The following GABBR2 variants were observed in gnomAD, a reference collection of about 807,000 sequenced individuals.
GABBR2 encodes the protein G-protein coupled receptor 51.
In GABBR2, 23 loss-of-function variants were observed where a neutral mutation model predicts 105.6. The observed-to-expected ratio is 0.22, with a 90% CI of 0.16 to 0.31. GABBR2 has a LOEUF of 0.31. Among genes scored for constraint, GABBR2 ranks in the 10% least tolerant of loss-of-function variants. GABBR2 has a pLI of 1.00. For missense variants in GABBR2, 734 were observed against 1,245.5 expected (o/e 0.59, Z 6.18); for synonymous variants, 478 against 499.7 (o/e 0.96, Z 0.58).
chr9:98,473,260 C>A lies in GABBR2; in HGVS notation c.885G>T (p.Thr295=). 1 of 1,612,148 alleles carries A rather than the reference C, an allele frequency of 6.2e-7. No homozygotes were observed. The highest frequency in any genetic ancestry group is 8.5e-7 in the Non-Finnish European group (1 of 1,179,242). ...GGAGGCAGCGGGATGAGTTGGCTTC[C>A]GTGTGCACCTGCTCCCACCAAGAAG... ...YEPSWWEQVH[T]EANSSRCLRK... The change falls in exon 6 of 19, where the codon ACG becomes ACT. Residue 295 remains threonine, a synonymous_variant. Transcript: ENST00000259455.
rs142946590 is a variant in GABBR2, at chr9:98,482,060, C to T, written c.733-1063G>A. ...GACCAGCCAGGCCCTGGCCCAAACACCTGCTCCCCATCCCAGCCGCTTCCT... is the reference window on the plus strand; with the variant it reads ...GACCAGCCAGGCCCTGGCCCAAACATCTGCTCCCCATCCCAGCCGCTTCCT... On this transcript the variant is annotated intron_variant, in intron 4 of 18. Coordinates refer to ENST00000259455, the MANE Select transcript of GABBR2 (RefSeq NM_005458.8). 4.9e-3 allele frequency among the ~76,000 whole-genome samples: 745 copies of T among 152,314 alleles called. 5 individuals are homozygous for T. The highest frequency in any genetic ancestry group is 6.5e-3 in the Non-Finnish European group (440 of 68,026).
At chr9:98,379,425 T>C (rs7867206) in intron 11 of GABBR2, among the ~76,000 whole-genome samples, 107,314 of 152,102 alleles carry the variant, frequency 0.71, 38,198 homozygotes, top group South Asian at 0.78. Flanking sequence ...TCTGCCACCA[T>C]GCCTGGCTAA....
intron 18 of GABBR2, among the ~76,000 whole-genome samples, chr9:98,292,866 C>T (rs1830323019): frequency 2.0e-5 from 3 of 152,202 alleles, no homozygotes; most frequent in African/African-American, 7.2e-5. Context: ...GCAGGGGACA[C>T]ATGAAGGACT....
chr9:98,688,394 C>CATATATATATATATATATAT lies in GABBR2; in HGVS notation c.321+20022_321+20023insATATATATATATATATATAT, dbSNP rs34589145. Among the ~76,000 whole-genome samples the CATATATATATATATATATAT allele has an allele frequency of 5.9e-3, 834 of 140,418 alleles. 36 individuals carry two copies. The highest frequency in any genetic ancestry group is 0.021 in the African/African-American group (774 of 37,688). The allele number at this position is 140,418 out of a possible 152,430, so 92.1% of individuals were successfully genotyped here. On this transcript the variant is annotated intron_variant, in intron 1 of 18. Transcript: ENST00000259455. Reference sequence around the variant, plus strand: ...TAATTTAAGAAATAATATGTGGTTTCATATATATATATATATAAAATCTCC... The same window carrying CATATATATATATATATATAT: ...TAATTTAAGAAATAATATGTGGTTTCATATATATATATATATATATATATATATATATATATAAAATCTCC...
chr9:98,350,567 G>C (rs577540651), intron 13 of GABBR2, among the ~76,000 whole-genome samples: 7 of 151,916 alleles, frequency 4.6e-5, no homozygotes. Context: ...TTTTGTTATT[G>C]ATTTCTAATT....
At chr9:98,311,590 G>T (rs1490060682) in intron 13 of GABBR2, among the ~76,000 whole-genome samples, 2 of 152,224 alleles carry the variant, frequency 1.3e-5, no homozygotes, top group African/African-American at 4.8e-5. Context: ...GAGGTCTTCA[G>T]GTATCTCTGG....
At chr9:98,561,317 T>A (rs1828671525) in intron 2 of GABBR2, among the ~76,000 whole-genome samples, 2 of 150,934 alleles carry the variant, frequency 1.3e-5, no homozygotes, top group African/African-American at 2.4e-5. Flanking sequence ...CGTGAAGGAA[T>A]GAACCCCAGT....
intron 3 of GABBR2, among the ~76,000 whole-genome samples, chr9:98,514,799 T>C (rs1201325389): frequency 6.6e-6 from 1 of 152,106 alleles, no homozygotes; most frequent in African/African-American, 2.4e-5. Flanking sequence ...TAAAGTATAA[T>C]AATAATAATT....
intron 5 of GABBR2, among the ~76,000 whole-genome samples, chr9:98,478,323 A>G (rs535145196): frequency 6.6e-6 from 1 of 152,070 alleles, no homozygotes; most frequent in East Asian, 1.9e-4. Flanking sequence ...TCTGTCACTT[A>G]TCAGTCTTGA....
chr9:98,488,300 C>T (rs373498017), intron 4 of GABBR2, among the ~76,000 whole-genome samples: 5 of 152,280 alleles, frequency 3.3e-5, no homozygotes, highest in African/African-American at 1.2e-4. Context: ...TATCCTGTCT[C>T]CCTCCTCTCT....
intron 13 of GABBR2, among the ~76,000 whole-genome samples, chr9:98,316,891 C>T (rs1228155143): frequency 2.0e-5 from 3 of 152,164 alleles, no homozygotes; most frequent in Admixed American, 6.5e-5. Context: ...TAGTAAGTCT[C>T]GGGGCTGAGA....
chr9:98,290,278 T>TG lies in GABBR2; in HGVS notation c.*305_*306insC, dbSNP rs1830278633. ...CTTGTCTAGTTTTTTTGTTTTTTTT[T>TG]TTTTTTTTTTTTTTTTGCAAGTTTG... On this transcript the variant is annotated 3_prime_UTR_variant, in exon 19 of 19. Coordinates refer to ENST00000259455, the MANE Select transcript of GABBR2 (RefSeq NM_005458.8). 1.1e-4 allele frequency: 16 copies of TG among 139,586 alleles called. No homozygotes were observed. In the South Asian group the frequency reaches 2.8e-3, roughly 25 times the overall value. 8.6% of individuals were successfully genotyped at this position (139,586 alleles called of 1,614,324 possible).
intron 2 of GABBR2, among the ~76,000 whole-genome samples, chr9:98,551,168 C>T (rs960044657): frequency 5.3e-5 from 8 of 152,042 alleles, no homozygotes; most frequent in African/African-American, 1.4e-4. Context: ...TTTGGGAGGC[C>T]GAGGTGCGTA....
chr9:98,677,468 G>T (rs1434095398), intron 1 of GABBR2, among the ~76,000 whole-genome samples: 1 of 152,190 alleles, frequency 6.6e-6, no homozygotes, highest in African/African-American at 2.4e-5. Context: ...TCCTCATGGT[G>T]GTTATTGGCT....
chr9:98,582,898 T>C (rs1829021634), intron 1 of GABBR2, among the ~76,000 whole-genome samples: 1 of 152,230 alleles, frequency 6.6e-6, no homozygotes, highest in African/African-American at 2.4e-5. Context: ...CATTTTCAGA[T>C]GCAGAGACTG....
chr9:98,461,357 A>G (rs181332608), intron 6 of GABBR2, among the ~76,000 whole-genome samples: 28 of 152,214 alleles, frequency 1.8e-4, no homozygotes, highest in African/African-American at 6.8e-4. Flanking sequence ...ATTGATTAAA[A>G]GATAGATAAG....
chr9:98,607,581 T>C (rs1405283229), intron 1 of GABBR2: 1 of 679,630 alleles, frequency 1.5e-6, no homozygotes, highest in Non-Finnish European at 2.6e-6. Flanking sequence ...GTAGTAATAC[T>C]ATCATCAAAG....
intron 16 of GABBR2, among the ~76,000 whole-genome samples, chr9:98,300,359 G>A (rs751363767): frequency 5.1e-4 from 77 of 151,950 alleles, no homozygotes; most frequent in Admixed American, 1.2e-3. Flanking sequence ...TGCCCAGGCC[G>A]GTCTTGAACT....
chr9:98,611,730 C>A lies in GABBR2; in HGVS notation c.322-33658G>T, dbSNP rs927449193. 2.0e-4 allele frequency among the ~76,000 whole-genome samples: 31 copies of A among 152,230 alleles called. 1 individual carries two copies. ...CCCCAATTCTGGGTAGGTTCCCCAG[C>A]CACGCACACTCCCACCACCGGGTAC... On this transcript the variant is annotated intron_variant, in intron 1 of 18. Coordinates refer to ENST00000259455, the MANE Select transcript of GABBR2 (RefSeq NM_005458.8).
Sources: gnomAD v4.1 joint callset for allele counts (sites outside exome capture counted in the v4.1 genomes callset) on GRCh38, gnomAD v4.1.1 for gene constraint, MANE v1.5 for transcripts, NCBI Gene and HGNC (gene_info 2026-07-23, HGNC 2026-07-21) for gene names.